Variants in SOX5 observed in about 807,000 individuals in gnomAD.
The protein encoded by SOX5 is SRY-box transcription factor 5.
SOX5 carries 9 observed loss-of-function variants against 92.0 expected under a neutral mutation model. That is an observed-to-expected ratio of 0.10 (90% CI 0.06 to 0.17). SOX5 has a LOEUF of 0.17. Ranked by LOEUF, SOX5 falls within the 10% of genes least tolerant of loss-of-function variation. SOX5 has a pLI of 1.00. For missense variants in SOX5, 642 were observed against 944.5 expected (o/e 0.68, Z 4.20); for synonymous variants, 344 against 336.3 (o/e 1.02, Z -0.25).
At chr12:24,550,991 C>T (rs904368172) in intron 1 of SOX5, among the ~76,000 whole-genome samples, 3 of 152,180 alleles carry the variant, frequency 2.0e-5, no homozygotes, top group Non-Finnish European at 4.4e-5. Context: ...TGAGTAGTTG[C>T]CTCTTCCAAC....
intron 3 of SOX5, among the ~76,000 whole-genome samples, chr12:24,275,948 T>A (rs1354853951): frequency 6.6e-6 from 1 of 152,148 alleles, no homozygotes; most frequent in Non-Finnish European, 1.5e-5. Context: ...ACCTTTTGTA[T>A]TAGTTATATT....
chr12:24,456,431 C>T (rs944368055), intron 1 of SOX5, among the ~76,000 whole-genome samples: 1 of 152,142 alleles, frequency 6.6e-6, no homozygotes, highest in Admixed American at 6.5e-5. Flanking sequence ...TTTCTAGAAA[C>T]TCTACTAAGG....
At chr12:24,151,185 C>T (rs570648957) in intron 4 of SOX5, among the ~76,000 whole-genome samples, 114 of 152,078 alleles carry the variant, frequency 7.5e-4, no homozygotes, top group Non-Finnish European at 1.1e-3. Flanking sequence ...CTGGGAAAAT[C>T]GGGATAATAA....
At chr12:23,687,834 T>C (rs181089256) in intron 6 of SOX5, among the ~76,000 whole-genome samples, 2 of 152,080 alleles carry the variant, frequency 1.3e-5, no homozygotes, top group Admixed American at 1.3e-4. Context: ...CACTGGGGAC[T>C]ATTTTCTCTG....
chr12:24,493,099 T>C (rs986097749), intron 1 of SOX5, among the ~76,000 whole-genome samples: 1 of 152,176 alleles, frequency 6.6e-6, no homozygotes, highest in Non-Finnish European at 1.5e-5. Flanking sequence ...TATTTTTTTT[T>C]AATCAGACTT....
At chr12:24,029,517 C>A (rs1378369325) in intron 4 of SOX5, among the ~76,000 whole-genome samples, 1 of 151,752 alleles carries the variant, frequency 6.6e-6, no homozygotes, top group Non-Finnish European at 1.5e-5. Context: ...TCAAGCGATC[C>A]CCCCACTTCA....
rs150855206 is a variant in SOX5, at chr12:24,322,693, GA to G, written c.-173-45382del. Among the ~76,000 whole-genome samples the G allele has an allele frequency of 6.1e-3, 927 of 152,110 alleles. 8 individuals carry two copies. Among genetic ancestry groups the G allele is most frequent in the East Asian group, 0.049 (252 of 5,184 alleles). On this transcript the variant is annotated intron_variant, in intron 2 of 4. Coordinates refer to the SOX5 transcript ENST00000446891. ...CTTTGACAACAAGTTAAAAGTGGAA[GA>G]AAAAAATCTATCTGCAAACAAGAAA...
chr12:23,895,717 G>C, intron 2 of SOX5, 76 bp downstream of exon 2: 1 of 979,560 alleles, frequency 1.0e-6, no homozygotes, highest in South Asian at 1.4e-5. Flanking sequence ...ATAAAGCAAA[G>C]GACTGAGGCC....
chr12:23,965,099 C>T (rs577797884), intron 4 of SOX5, among the ~76,000 whole-genome samples: 2 of 152,326 alleles, frequency 1.3e-5, no homozygotes, highest in South Asian at 4.1e-4. Flanking sequence ...GTGTGCCTGT[C>T]AGCCTTGACA....
At chr12:24,177,466 G>A (rs1464667908) in intron 4 of SOX5, among the ~76,000 whole-genome samples, 2 of 152,122 alleles carry the variant, frequency 1.3e-5, no homozygotes, top group Non-Finnish European at 2.9e-5. Context: ...AAAATCATAG[G>A]AGCCTGAGTG....
At chr12:23,781,230 T>C (rs918033647) in intron 3 of SOX5, among the ~76,000 whole-genome samples, 1 of 152,006 alleles carries the variant, frequency 6.6e-6, no homozygotes, top group African/African-American at 2.4e-5. Flanking sequence ...TTCATGCTTT[T>C]AATGGAAACC....
intron 3 of SOX5, among the ~76,000 whole-genome samples, chr12:24,266,698 G>C (rs780132688): frequency 1.4e-4 from 21 of 152,018 alleles, no homozygotes; most frequent in Admixed American, 6.6e-5. Flanking sequence ...TGCATCTGTT[G>C]AACATAGGAA....
chr12:24,264,610 C>G (rs1221747455), intron 3 of SOX5, among the ~76,000 whole-genome samples: 1 of 152,094 alleles, frequency 6.6e-6, no homozygotes, highest in Non-Finnish European at 1.5e-5. Flanking sequence ...CCTCTGCATC[C>G]TTTCGTTAGA....
At chr12:23,582,120 A>G in intron 9 of SOX5, 1 of 982,780 alleles carries the variant, frequency 1.0e-6, no homozygotes, top group Non-Finnish European at 1.2e-6. Context: ...GGGAAGTTAC[A>G]TGACAGCCTG....
chr12:24,153,343 A>T (rs1951846747), intron 4 of SOX5, among the ~76,000 whole-genome samples: 1 of 152,064 alleles, frequency 6.6e-6, no homozygotes, highest in African/African-American at 2.4e-5. Flanking sequence ...ATAAAGCAAG[A>T]CCAGATTTAC....
intron 3 of SOX5, among the ~76,000 whole-genome samples, chr12:24,266,809 T>C (rs939176190): frequency 6.6e-6 from 1 of 152,226 alleles, no homozygotes. Flanking sequence ...TCTGCCAGTC[T>C]TATCATTTAA....
At chr12:24,078,900 T>C (rs1223603798) in intron 4 of SOX5, among the ~76,000 whole-genome samples, 1 of 152,104 alleles carries the variant, frequency 6.6e-6, no homozygotes, top group Non-Finnish European at 1.5e-5. Context: ...GAATGTTTTA[T>C]TGTCATTATA....
chr12:23,704,920 C>A (rs1375975637), intron 6 of SOX5, among the ~76,000 whole-genome samples: 1 of 150,624 alleles, frequency 6.6e-6, no homozygotes, highest in Admixed American at 6.6e-5. Context: ...TTATTTCATC[C>A]AATATTATTC....
At chr12:23,969,044 G>A (rs1446633137) in intron 4 of SOX5, among the ~76,000 whole-genome samples, 1 of 151,988 alleles carries the variant, frequency 6.6e-6, no homozygotes, top group African/African-American at 2.4e-5. Flanking sequence ...CTCTACCTTT[G>A]ACCCCAAATA....
Sources: gnomAD v4.1 joint callset for allele counts (sites outside exome capture counted in the v4.1 genomes callset) on GRCh38, gnomAD v4.1.1 for gene constraint, MANE v1.5 for transcripts, NCBI Gene and HGNC (gene_info 2026-07-23, HGNC 2026-07-21) for gene names.